Variants in DAG1 observed in about 807,000 individuals in gnomAD.
The protein encoded by DAG1 is dystroglycan 1, also known as dystroglycan 1 (dystrophin-associated glycoprotein 1).
A neutral mutation model predicts 46.1 loss-of-function variants in DAG1; 8 were observed. The observed-to-expected ratio is 0.17, with a 90% CI of 0.10 to 0.31. DAG1 has a LOEUF of 0.31. DAG1 is among the 10% of genes least tolerant of loss of function. The probability of loss-of-function intolerance (pLI) is 1.00; values close to 1 mark genes in which losing one functional copy is unlikely to be tolerated. For missense variants in DAG1, 1,003 were observed against 1,189.9 expected (o/e 0.84, Z 2.31); for synonymous variants, 495 against 481.8 (o/e 1.03, Z -0.36).
intron 1 of DAG1, among the ~76,000 whole-genome samples, chr3:49,482,857 C>T (rs2049923564): frequency 6.6e-6 from 1 of 151,896 alleles, no homozygotes; most frequent in South Asian, 2.1e-4. Context: ...TGAAGATTTC[C>T]CCCCCAGGCA....
At chr3:49,472,782 G>A (rs1416045455) in intron 1 of DAG1, among the ~76,000 whole-genome samples, 1 of 151,132 alleles carries the variant, frequency 6.6e-6, no homozygotes, top group Non-Finnish European at 1.5e-5. Flanking sequence ...ACTCCAGCCT[G>A]GGCCACAGAT....
intron 1 of DAG1, among the ~76,000 whole-genome samples, chr3:49,471,902 C>G (rs1028351462): frequency 2.0e-5 from 3 of 152,166 alleles, no homozygotes; most frequent in African/African-American, 7.2e-5. Context: ...AGCGTGCTCA[C>G]ATAGTAGCCT....
At position 49,533,209 on chromosome 3, in the gene DAG1, G is replaced by A. The variant is rs758452336; in HGVS notation, c.*10G>A. 43 of 1,610,554 alleles carry A rather than the reference G, an allele frequency of 2.7e-5. No homozygotes were observed. Among genetic ancestry groups the A allele is most frequent in the East Asian group, 1.3e-4 (6 of 44,880 alleles). ...CTATGTCCCACCTTAACCCGCAAGC[G>A]CCTGGGTGGAGGCAGGGTAGGGCAG... On this transcript the variant is annotated 3_prime_UTR_variant, in exon 3 of 3. Transcript: ENST00000308775.
chr3:49,476,541 A>G (rs1041579347), intron 1 of DAG1, among the ~76,000 whole-genome samples: 3 of 152,168 alleles, frequency 2.0e-5, no homozygotes, highest in Non-Finnish European at 4.4e-5. Flanking sequence ...CAGTGAGCCA[A>G]GTTTGAGGTT....
intron 1 of DAG1, among the ~76,000 whole-genome samples, chr3:49,482,037 T>C (rs1334943068): frequency 6.6e-6 from 1 of 152,228 alleles, no homozygotes; most frequent in East Asian, 1.9e-4. Flanking sequence ...CATTGTATTA[T>C]GTGTTATAAG....
chr3:49,527,532 A>C (rs1451711514), intron 2 of DAG1, among the ~76,000 whole-genome samples: 19 of 147,074 alleles, frequency 1.3e-4, no homozygotes, highest in Non-Finnish European at 2.7e-4. Context: ...AAAAAAAAAA[A>C]AAACCAACAA....
In DAG1 at chr3:49,533,426, G is replaced by A. The variant is rs1478979208; in HGVS notation, c.*227G>A. 1.4e-6 allele frequency: 1 copy of A among 722,104 alleles called. No homozygotes were observed. The allele number at this position is 722,104 out of a possible 1,614,324, so 44.7% of individuals were successfully genotyped here. On this transcript the variant is annotated 3_prime_UTR_variant, in exon 3 of 3. Coordinates refer to ENST00000308775, the MANE Select transcript of DAG1 (RefSeq NM_004393.6). ...TTTTATTTTTATTTTTTGCCTAACA[G>A]CTTTTGGTTTGTTCATAGAGAATTC...
intron 2 of DAG1, among the ~76,000 whole-genome samples, chr3:49,516,472 C>G (rs1483541082): frequency 6.6e-6 from 1 of 152,260 alleles, no homozygotes; most frequent in Non-Finnish European, 1.5e-5. Flanking sequence ...CACACACTTT[C>G]AAATGACTTC....
At chr3:49,525,193 C>G (rs1310762672) in intron 2 of DAG1, among the ~76,000 whole-genome samples, 1 of 152,064 alleles carries the variant, frequency 6.6e-6, no homozygotes, top group South Asian at 2.1e-4. Context: ...TACCCATGAT[C>G]CTGGAGTGAC....
chr3:49,504,840 T>C (rs10212296), intron 1 of DAG1, among the ~76,000 whole-genome samples: 40,170 of 142,290 alleles, frequency 0.28, 6,181 homozygotes, highest in Non-Finnish European at 0.3. Flanking sequence ...CTCGATCTCC[T>C]GACCTCGTGA....
chr3:49,501,618 C>A (rs1479257082), intron 1 of DAG1, among the ~76,000 whole-genome samples: 2 of 152,100 alleles, frequency 1.3e-5, no homozygotes, highest in Non-Finnish European at 2.9e-5. Flanking sequence ...TCAAGACCAG[C>A]CTGGCCAACA....
chr3:49,482,333 C>T lies in DAG1; in HGVS notation c.-117+11900C>T, dbSNP rs568646091. On this transcript the variant is annotated intron_variant, in intron 1 of 2. Coordinates refer to ENST00000308775, the MANE Select transcript of DAG1 (RefSeq NM_004393.6). Reference sequence around the variant, plus strand: ...CCCCAGCCCGACACCTGTAAAGGGTCTATGCTGAGGTGGATTAGTAAAAGA... The same window carrying T: ...CCCCAGCCCGACACCTGTAAAGGGTTTATGCTGAGGTGGATTAGTAAAAGA... Among the ~76,000 whole-genome samples, 6 of 152,254 alleles carry T rather than the reference C, an allele frequency of 3.9e-5. No individual in the cohort carries two copies. In the South Asian group the frequency reaches 1.2e-3, roughly 32 times the overall value.
chr3:49,472,544 C>A (rs572446161), intron 1 of DAG1, among the ~76,000 whole-genome samples: 1 of 152,128 alleles, frequency 6.6e-6, no homozygotes, highest in East Asian at 1.9e-4. Context: ...ATGGTGGCTC[C>A]CACCTGTAAT....
intron 1 of DAG1, among the ~76,000 whole-genome samples, chr3:49,497,470 C>T (rs182773989): frequency 6.6e-6 from 1 of 151,290 alleles, no homozygotes; most frequent in East Asian, 2.0e-4. Flanking sequence ...AAAAATGAGC[C>T]AGGCATGGTG....
chr3:49,496,647 A>C (rs2050318340), intron 1 of DAG1, among the ~76,000 whole-genome samples: 2 of 150,026 alleles, frequency 1.3e-5, no homozygotes, highest in Non-Finnish European at 1.5e-5. Flanking sequence ...GGCATGAGCC[A>C]CTGTGCCCGG....
At position 49,475,910 on chromosome 3, in the gene DAG1, G is replaced by A. The variant is rs151248765; in HGVS notation, c.-117+5477G>A. Among the ~76,000 whole-genome samples the A allele has an allele frequency of 8.9e-3, 1,354 of 151,774 alleles. 20 individuals carry two copies. Among genetic ancestry groups the A allele is most frequent in the African/African-American group, 0.032 (1,315 of 41,402 alleles). ...TATTTTTTGTATTTTTAGTAGAGAC[G>A]GGGTTTCACTGTGTTAGGATGGTCT... On this transcript the variant is annotated intron_variant, in intron 1 of 2. Transcript: ENST00000308775.
At position 49,510,621 on chromosome 3, in the gene DAG1, C is replaced by G. The variant is rs759792042; in HGVS notation, c.87C>G (p.Ser29=). The change falls in exon 2 of 3, where the codon TCC becomes TCG. Residue 29 remains serine, a synonymous_variant. Coordinates refer to ENST00000308775, the MANE Select transcript of DAG1 (RefSeq NM_004393.6). Reference sequence around the variant, plus strand: ...TGCTCTCTGTGGTTATGGCTCAGTCCCACTGGCCCAGTGAACCCTCAGAGG... The same window carrying G: ...TGCTCTCTGTGGTTATGGCTCAGTCGCACTGGCCCAGTGAACCCTCAGAGG... The part of the protein sequence containing the change: ...LLLLSVVMAQ[S]HWPSEPSEAV... The G allele has an allele frequency of 1.2e-6, 2 of 1,614,010 alleles. No individual in the cohort carries two copies.
chr3:49,521,444 C>T (rs1322600816), intron 2 of DAG1, among the ~76,000 whole-genome samples: 3 of 152,130 alleles, frequency 2.0e-5, no homozygotes, highest in Non-Finnish European at 4.4e-5. Flanking sequence ...GGATTACAGG[C>T]GTGAGCCACT....
intron 1 of DAG1, among the ~76,000 whole-genome samples, chr3:49,476,647 A>C (rs899604624): frequency 6.6e-6 from 1 of 152,150 alleles, no homozygotes; most frequent in Non-Finnish European, 1.5e-5. Flanking sequence ...TAATTTTACT[A>C]TTTATAATTT....
Sources: allele counts gnomAD v4.1 joint callset (sites outside exome capture counted in the v4.1 genomes callset), GRCh38; gene constraint gnomAD v4.1.1; transcripts MANE v1.5; gene names NCBI Gene and HGNC (gene_info 2026-07-23, HGNC 2026-07-21).